Variants in INO80C observed in about 807,000 individuals in gnomAD.
INO80C encodes IES6 homolog.
Under a neutral mutation model 17.7 loss-of-function variants are expected in INO80C, and 17 were observed. The observed-to-expected ratio is 0.96, with a 90% CI of 0.66 to 1.44. INO80C has a LOEUF of 1.44. Ranked by LOEUF, INO80C falls within the 40% of genes most tolerant of loss-of-function variation. The pLI, the probability that INO80C is intolerant of heterozygous loss-of-function variation, is 0.00. For missense variants in INO80C, 244 were observed against 245.0 expected, an observed-to-expected ratio of 1.00 and a Z score of 0.03; for synonymous variants, 96 against 95.8, an observed-to-expected ratio of 1.00 and a Z score of -0.01.
chr18:35,473,530 C>A (rs775401331), intron 4 of INO80C, among the ~76,000 whole-genome samples: 2 of 152,090 alleles, frequency 1.3e-5, no homozygotes, highest in Admixed American at 6.6e-5. Flanking sequence ...TGGGATTCCA[C>A]GTGAGTCCAT....
intron 1 of INO80C, among the ~76,000 whole-genome samples, chr18:35,491,112 G>A (rs1427064005): frequency 1.3e-5 from 2 of 152,168 alleles, no homozygotes; most frequent in African/African-American, 4.8e-5. Context: ...ATCCCAGTGA[G>A]GAAGCTCAAA....
chr18:35,486,021 C>T lies in INO80C; in HGVS notation c.157-5458G>A, dbSNP rs562379497. ...GCACTTGCCTGTAGTCCCAGCTACT[C>T]CAGAGGCTGAGGCAAGTTCAGGAGT... On this transcript the variant is annotated intron_variant, in intron 1 of 4. Coordinates refer to ENST00000334598, the MANE Select transcript of INO80C (RefSeq NM_194281.4). Among the ~76,000 whole-genome samples, 3 of 152,278 alleles carry T rather than the reference C, an allele frequency of 2.0e-5. No homozygotes were observed. The South Asian group carries it at 6.2e-4, about 32-fold the overall frequency.
intron 1 of INO80C, among the ~76,000 whole-genome samples, chr18:35,482,484 C>G (rs367876953): frequency 3.9e-5 from 6 of 152,270 alleles, no homozygotes; most frequent in African/African-American, 1.4e-4. Flanking sequence ...TGGGTGCTCT[C>G]TCCTCAAACA....
intron 4 of INO80C, among the ~76,000 whole-genome samples, chr18:35,475,148 A>C (rs2045720269): frequency 1.3e-5 from 2 of 152,176 alleles, no homozygotes; most frequent in African/African-American, 4.8e-5. Flanking sequence ...AGTCATATTC[A>C]AACTGCTGAA....
intron 1 of INO80C, among the ~76,000 whole-genome samples, chr18:35,490,778 T>C (rs943381267): frequency 2.1e-5 from 3 of 144,292 alleles, no homozygotes; most frequent in African/African-American, 7.7e-5. Context: ...GTTGTTGAGA[T>C]AGGGTCTCGC....
chr18:35,487,230 A>C (rs1018603039), intron 1 of INO80C, among the ~76,000 whole-genome samples: 1 of 152,218 alleles, frequency 6.6e-6, no homozygotes, highest in Non-Finnish European at 1.5e-5. Context: ...CCATGAGGAA[A>C]TATCAGACAG....
At chr18:35,484,156 T>G (rs1463373669) in intron 1 of INO80C, among the ~76,000 whole-genome samples, 1 of 152,148 alleles carries the variant, frequency 6.6e-6, no homozygotes, top group Non-Finnish European at 1.5e-5. Context: ...CAGGGGCACA[T>G]GTTAATAATT....
intron 2 of INO80C, 79 bp from the exon 3 acceptor site, chr18:35,479,490 C>G (rs938154767): frequency 5.9e-6 from 5 of 841,894 alleles, no homozygotes; most frequent in Non-Finnish European, 8.0e-6. Flanking sequence ...TATGCCTAAT[C>G]ATAACTGTAA....
rs2045980409 is a variant in INO80C, at chr18:35,496,285, A to T, written c.156+1434T>A. Among the ~76,000 whole-genome samples, 5 of 152,372 alleles carry T rather than the reference A, an allele frequency of 3.3e-5. No homozygotes were observed. The South Asian group carries it at 1.0e-3, about 32-fold the overall frequency. ...ATCGGGTGTATGTTTATACAATGCA[A>T]CAGATGTACTAAACGACTCTCAAAA... On this transcript the variant is annotated intron_variant, in intron 1 of 4. Coordinates refer to ENST00000334598, the MANE Select transcript of INO80C (RefSeq NM_194281.4).
intron 4 of INO80C, among the ~76,000 whole-genome samples, chr18:35,472,944 T>C (rs2045688105): frequency 6.6e-6 from 1 of 152,252 alleles, no homozygotes; most frequent in Non-Finnish European, 1.5e-5. Context: ...ATCTGTCTAT[T>C]CAGAACTTCT....
rs201302451 is a variant in INO80C, at chr18:35,497,855, A to C, written c.20T>G (p.Ile7Ser). The C allele has an allele frequency of 1.3e-6, 2 of 1,580,512 alleles. No homozygotes were observed. The highest frequency in any genetic ancestry group is 2.2e-5 in the South Asian group (2 of 89,194). The change falls in exon 1 of 5, where the codon ATT (isoleucine) becomes AGT (serine). Residue 7 changes from isoleucine to serine, a missense_variant. By Grantham distance (142) the Ile-to-Ser change is moderately radical. Transcript: ENST00000334598. Reference protein sequence around the residue: MAAQIPIVATTSTPGIV... With the variant: MAAQIPSVATTSTPGIV... ...TCCGGGAGTGGAAGTGGTGGCCACA[A>C]TTGGAATTTGCGCCGCCATCGCACT...
At chr18:35,468,830 C>T in intron 4 of INO80C, 88 bp from the exon 5 acceptor site, 1 of 1,194,880 alleles carries the variant, frequency 8.4e-7, no homozygotes, top group South Asian at 1.3e-5. Context: ...TTCTATTTCA[C>T]TGAAAGTGAT....
intron 1 of INO80C, among the ~76,000 whole-genome samples, chr18:35,482,493 C>A (rs754938260): frequency 6.6e-6 from 1 of 152,162 alleles, no homozygotes; most frequent in East Asian, 1.9e-4. Flanking sequence ...TCTCCTCAAA[C>A]ACCTTCTCTG....
chr18:35,497,359 G>A (rs1001362617), intron 1 of INO80C: 3 of 1,051,616 alleles, frequency 2.9e-6, no homozygotes, highest in South Asian at 3.2e-5. Context: ...CAAAGACACT[G>A]GGTAGATGTC....
chr18:35,470,534 A>G (rs1390513316), intron 4 of INO80C, among the ~76,000 whole-genome samples: 3 of 152,166 alleles, frequency 2.0e-5, no homozygotes, highest in Non-Finnish European at 4.4e-5. Flanking sequence ...TTCCGAGCAG[A>G]GTGTAGGCAT....
At chr18:35,469,214 C>T (rs1390621506) in intron 4 of INO80C, among the ~76,000 whole-genome samples, 1 of 152,232 alleles carries the variant, frequency 6.6e-6, no homozygotes, top group Non-Finnish European at 1.5e-5. Flanking sequence ...CACTTCCATG[C>T]CTCCCTGAGC....
At position 35,468,533 on chromosome 18, in the gene INO80C, T is replaced by G; in HGVS notation, c.*78A>C. ...ATTTTCAGATTGACAGCAGAACGAGTTTGTTTCCGTGAAACAAAATCATGA... is the reference window on the plus strand; with the variant it reads ...ATTTTCAGATTGACAGCAGAACGAGGTTGTTTCCGTGAAACAAAATCATGA... On this transcript the variant is annotated 3_prime_UTR_variant, in exon 5 of 5. Coordinates refer to ENST00000334598, the MANE Select transcript of INO80C (RefSeq NM_194281.4). 6.3e-7 allele frequency: 1 copy of G among 1,587,378 alleles called. No individual in the cohort carries two copies. The highest frequency in any genetic ancestry group is 8.6e-7 in the Non-Finnish European group (1 of 1,163,394).
chr18:35,474,151 T>C (rs2045702316), intron 4 of INO80C, among the ~76,000 whole-genome samples: 2 of 130,460 alleles, frequency 1.5e-5, no homozygotes, highest in Non-Finnish European at 3.2e-5. Context: ...TTCAAGGACT[T>C]AAAATATACA....
intron 1 of INO80C, among the ~76,000 whole-genome samples, chr18:35,490,425 C>T (rs1029321338): frequency 1.3e-5 from 2 of 152,204 alleles, no homozygotes; most frequent in African/African-American, 4.8e-5. Context: ...CTAGGGACAA[C>T]TTCAGGTCTA....
Sources: gnomAD v4.1 joint callset for allele counts (sites outside exome capture counted in the v4.1 genomes callset) on GRCh38, gnomAD v4.1.1 for gene constraint, MANE v1.5 for transcripts, NCBI Gene and HGNC (gene_info 2026-07-23, HGNC 2026-07-21) for gene names.